Variants in CDH10 observed in about 807,000 individuals in gnomAD.
The protein encoded by CDH10 is cadherin-10.
In CDH10, 30 loss-of-function variants were observed where a neutral mutation model predicts 73.1. The ratio of observed to expected loss-of-function variants is 0.41; its 90% confidence interval spans 0.31 to 0.56. The LOEUF (loss-of-function observed/expected upper bound fraction) is 0.56, where lower values mean the gene tolerates loss of function less well. Among genes scored for constraint, CDH10 ranks in the 20% least tolerant of loss-of-function variants. The pLI, the probability that CDH10 is intolerant of heterozygous loss-of-function variation, is 0.27. For missense variants in CDH10, 815 were observed against 973.7 expected (o/e 0.84, Z 2.17); for synonymous variants, 345 against 348.2 (o/e 0.99, Z 0.10).
At chr5:24,547,516 T>C (rs1744387821) in intron 2 of CDH10, among the ~76,000 whole-genome samples, 1 of 152,106 alleles carries the variant, frequency 6.6e-6, no homozygotes, top group Non-Finnish European at 1.5e-5. Flanking sequence ...GTTTTTATGG[T>C]ACTGGAGTAA....
At chr5:24,535,056 G>T in intron 5 of CDH10, 56 bp downstream of exon 5, 2 of 1,406,794 alleles carry the variant, frequency 1.4e-6, no homozygotes, top group Non-Finnish European at 1.9e-6. Flanking sequence ...TTCTTTGTCT[G>T]TCTTTTTTTA....
chr5:24,556,945 A>G (rs1035379641), intron 2 of CDH10, among the ~76,000 whole-genome samples: 2 of 148,922 alleles, frequency 1.3e-5, no homozygotes, highest in African/African-American at 2.4e-5. Flanking sequence ...TTTAAACCAA[A>G]TAAAATTTAA....
intron 5 of CDH10, among the ~76,000 whole-genome samples, chr5:24,529,702 C>A (rs1232354380): frequency 6.6e-6 from 1 of 151,756 alleles, no homozygotes; most frequent in Non-Finnish European, 1.5e-5. Flanking sequence ...ATGAGAGAGT[C>A]ACTCAATCAT....
At chr5:24,566,286 G>T (rs1253018059) in intron 2 of CDH10, among the ~76,000 whole-genome samples, 1 of 152,132 alleles carries the variant, frequency 6.6e-6, no homozygotes, top group African/African-American at 2.4e-5. Context: ...GACCTCAAGT[G>T]ATCCACCTGT....
chr5:24,625,341 T>G (rs572485549), intron 1 of CDH10, among the ~76,000 whole-genome samples: 1 of 151,892 alleles, frequency 6.6e-6, no homozygotes, highest in East Asian at 1.9e-4. Context: ...AAAAGCCAGA[T>G]GTCTTAGTAA....
chr5:24,641,546 G>T (rs1579497930), intron 1 of CDH10, among the ~76,000 whole-genome samples: 1 of 151,954 alleles, frequency 6.6e-6, no homozygotes, highest in African/African-American at 2.4e-5. Flanking sequence ...GAACTCATTG[G>T]TCTGTGTAAG....
In CDH10 at chr5:24,601,728, A is replaced by AT. The variant is rs11346014; in HGVS notation, c.-123-8116dup. Among the ~76,000 whole-genome samples the AT allele has an allele frequency of 2.9e-4, 44 of 151,382 alleles. No homozygotes were observed. The East Asian group carries it at 3.3e-3, about 11-fold the overall frequency. ...CCTTGAGAATAAAGATTCAATAGCTATTTTTTTTTCTTTTTTTAAGAATTG... is the reference window on the plus strand; with the variant it reads ...CCTTGAGAATAAAGATTCAATAGCTATTTTTTTTTTCTTTTTTTAAGAATTG... On this transcript the variant is annotated intron_variant, in intron 1 of 11. Transcript: ENST00000264463.
chr5:24,596,275 A>G (rs1746369297), intron 1 of CDH10, among the ~76,000 whole-genome samples: 1 of 151,900 alleles, frequency 6.6e-6, no homozygotes, highest in Admixed American at 6.6e-5. Flanking sequence ...AAATTACAGA[A>G]TATCTTTGGC....
At chr5:24,594,881 TCA>T (rs1264602814) in intron 1 of CDH10, among the ~76,000 whole-genome samples, 2 of 151,940 alleles carry the variant, frequency 1.3e-5, no homozygotes, top group Non-Finnish European at 2.9e-5. Flanking sequence ...CATCACTGTA[TCA>T]CAGTGTATAA....
intron 1 of CDH10, among the ~76,000 whole-genome samples, chr5:24,626,166 C>A (rs887308213): frequency 6.6e-6 from 1 of 152,156 alleles, no homozygotes; most frequent in African/African-American, 2.4e-5. Flanking sequence ...GGATCAGATT[C>A]TTTTGGTTCC....
chr5:24,561,307 A>G (rs1360246117), intron 2 of CDH10, among the ~76,000 whole-genome samples: 1 of 152,152 alleles, frequency 6.6e-6, no homozygotes, highest in East Asian at 1.9e-4. Flanking sequence ...CATTGCAAAT[A>G]TATGTATTTG....
At chr5:24,565,741 T>G (rs1258284580) in intron 2 of CDH10, among the ~76,000 whole-genome samples, 1 of 151,902 alleles carries the variant, frequency 6.6e-6, no homozygotes, top group Non-Finnish European at 1.5e-5. Flanking sequence ...ACTCTCGCTC[T>G]CTGTCTCTAT....
chr5:24,522,164 AAC>A (rs1743358362), intron 5 of CDH10, among the ~76,000 whole-genome samples: 5 of 113,106 alleles, frequency 4.4e-5, no homozygotes, highest in Non-Finnish European at 9.9e-5. Context: ...AAAACAAACA[AAC>A]AAACAAAAAA....
At chr5:24,541,363 C>G (rs192446314) in intron 2 of CDH10, among the ~76,000 whole-genome samples, 3 of 151,858 alleles carry the variant, frequency 2.0e-5, no homozygotes, top group Admixed American at 6.6e-5. Flanking sequence ...ATTCTTTGTG[C>G]GTCTGCGGCA....
chr5:24,612,860 G>A (rs1277412952), intron 1 of CDH10: 1 of 152,044 alleles, frequency 6.6e-6, no homozygotes, highest in Non-Finnish European at 1.5e-5. Flanking sequence ...AATATTTGTG[G>A]TAATCAGAGC....
intron 2 of CDH10, among the ~76,000 whole-genome samples, chr5:24,549,607 A>C (rs1163546909): frequency 6.9e-6 from 1 of 145,762 alleles, no homozygotes. Flanking sequence ...GCTGAAGTGC[A>C]ATGGCACAAT....
intron 5 of CDH10, among the ~76,000 whole-genome samples, chr5:24,517,492 T>C (rs1743151713): frequency 6.6e-6 from 1 of 152,154 alleles, no homozygotes; most frequent in South Asian, 2.1e-4. Flanking sequence ...AAGAAACCAA[T>C]TGTTGCCTCC....
chr5:24,535,396 C>A, intron 4 of CDH10, 117 bp from the exon 5 acceptor site: 1 of 930,964 alleles, frequency 1.1e-6, no homozygotes, highest in East Asian at 2.6e-5. Context: ...CGTTTTGATA[C>A]TCGTTTTTAT....
At chr5:24,578,930 A>G (rs561046199) in intron 2 of CDH10, among the ~76,000 whole-genome samples, 2 of 152,272 alleles carry the variant, frequency 1.3e-5, no homozygotes, top group East Asian at 3.9e-4. Flanking sequence ...AAAATTTTAT[A>G]AAACTCAAAA....
Sources: gnomAD v4.1 joint callset for allele counts (sites outside exome capture counted in the v4.1 genomes callset) on GRCh38, gnomAD v4.1.1 for gene constraint, MANE v1.5 for transcripts, NCBI Gene and HGNC (gene_info 2026-07-23, HGNC 2026-07-21) for gene names.